The following CNTN5 variants were observed in gnomAD, a reference collection of about 807,000 sequenced individuals.
CNTN5 encodes contactin-5.
Under a neutral mutation model 129.1 loss-of-function variants are expected in CNTN5, and 77 were observed. That is an observed-to-expected ratio of 0.60 (90% confidence interval 0.50 to 0.72). The LOEUF (loss-of-function observed/expected upper bound fraction) is 0.72, where lower values mean the gene tolerates loss of function less well. Among genes scored for constraint, CNTN5 ranks in the 30% least tolerant of loss-of-function variants. The pLI is 0.00. For synonymous variants in CNTN5, 509 were observed against 465.6 expected (o/e 1.09, Z -1.20); for missense variants, 1,478 against 1,328.8 (o/e 1.11, Z -1.75).
intron 16 of CNTN5, among the ~76,000 whole-genome samples, chr11:100,225,917 T>C (rs1408603712): frequency 6.6e-6 from 1 of 152,146 alleles, no homozygotes; most frequent in Admixed American, 6.6e-5. Flanking sequence ...TTTAGTTATA[T>C]ATATCACCGA....
intron 8 of CNTN5, among the ~76,000 whole-genome samples, chr11:99,997,921 T>C (rs931701229): frequency 6.6e-6 from 1 of 152,124 alleles, no homozygotes; most frequent in Admixed American, 6.5e-5. Flanking sequence ...ATTATCTCAA[T>C]AGATACAGAA....
chr11:99,643,784 A>G (rs1459980544), intron 3 of CNTN5, among the ~76,000 whole-genome samples: 2 of 152,148 alleles, frequency 1.3e-5, no homozygotes, highest in Admixed American at 6.5e-5. Context: ...GAGTTTCTCC[A>G]GTAACATATA....
rs76394638 is a variant in CNTN5 at position 99,868,175 on chromosome 11, C to T, written c.577+22913C>T. Among the ~76,000 whole-genome samples the T allele has an allele frequency of 7.4e-3, 1,115 of 151,496 alleles. 57 individuals are homozygous for T. The East Asian group carries it at 0.12, about 17-fold the overall frequency. ...AGGTTGTGATGAGCTGAGAACGTGC[C>T]GCTGCACTCCAGCCTGGGCAACAAG... On this transcript the variant is annotated intron_variant, in intron 6 of 24. Coordinates refer to ENST00000524871, the MANE Select transcript of CNTN5 (RefSeq NM_014361.4).
chr11:99,885,326 A>G (rs1429213287), intron 6 of CNTN5, among the ~76,000 whole-genome samples: 1 of 152,054 alleles, frequency 6.6e-6, no homozygotes, highest in Non-Finnish European at 1.5e-5. Flanking sequence ...GAGAAAACAA[A>G]AGCAGTGAGA....
chr11:100,060,099 A>G (rs1943401065), intron 9 of CNTN5, among the ~76,000 whole-genome samples: 1 of 151,956 alleles, frequency 6.6e-6, no homozygotes, highest in Non-Finnish European at 1.5e-5. Context: ...AATCCCAGCT[A>G]CTTGGGAAAC....
intron 3 of CNTN5, among the ~76,000 whole-genome samples, chr11:99,742,118 C>T (rs923108522): frequency 1.3e-5 from 2 of 152,008 alleles, no homozygotes; most frequent in Non-Finnish European, 2.9e-5. Context: ...ATAACACAAC[C>T]AATGGAATTC....
chr11:100,038,948 G>A (rs1391741456), intron 9 of CNTN5, among the ~76,000 whole-genome samples: 1 of 152,006 alleles, frequency 6.6e-6, no homozygotes, highest in Non-Finnish European at 1.5e-5. Context: ...TCTTTTAATT[G>A]GAGCATTTAG....
chr11:100,164,681 T>G (rs886608080), intron 13 of CNTN5, among the ~76,000 whole-genome samples: 1 of 151,854 alleles, frequency 6.6e-6, no homozygotes, highest in South Asian at 2.1e-4. Context: ...ATGATAAAAC[T>G]GCTTTAAAAA....
rs190149440 is a variant in CNTN5, at chr11:99,796,400, G to T, written c.56-23144G>T. Among the ~76,000 whole-genome samples, 586 of 152,132 alleles carry T rather than the reference G, an allele frequency of 3.9e-3. 4 individuals are homozygous for T. Among genetic ancestry groups the T allele is most frequent in the African/African-American group, 0.013 (551 of 41,490 alleles). ...GCATGTGTGCTGGCAAAGTGATAGG[G>T]GGGTAGCCATAGGCAAGTGTATGCT... On this transcript the variant is annotated intron_variant, in intron 3 of 24. Coordinates refer to ENST00000524871, the MANE Select transcript of CNTN5 (RefSeq NM_014361.4).
intron 2 of CNTN5, among the ~76,000 whole-genome samples, chr11:99,390,887 A>T (rs1211860139): frequency 6.6e-6 from 1 of 152,120 alleles, no homozygotes; most frequent in African/African-American, 2.4e-5. Context: ...AATTACTATG[A>T]AATTGTTAGT....
intron 1 of CNTN5, among the ~76,000 whole-genome samples, chr11:99,155,640 C>A (rs77703146): frequency 6.6e-6 from 1 of 152,020 alleles, no homozygotes; most frequent in Non-Finnish European, 1.5e-5. Context: ...TGTTGCTAGG[C>A]TGGCATCATT....
At chr11:100,041,299 A>G (rs1942364742) in intron 9 of CNTN5, among the ~76,000 whole-genome samples, 1 of 152,166 alleles carries the variant, frequency 6.6e-6, no homozygotes, top group Non-Finnish European at 1.5e-5. Flanking sequence ...GGCTGTGCCT[A>G]TGTCCATACT....
At chr11:99,970,748 C>T (rs980048832) in intron 8 of CNTN5, among the ~76,000 whole-genome samples, 1 of 152,092 alleles carries the variant, frequency 6.6e-6, no homozygotes, top group African/African-American at 2.4e-5. Flanking sequence ...TTTGTCATTG[C>T]TGTTGTTGTT....
At chr11:100,319,137 GTTTTCTTTTTC>G (rs1385871962) in intron 21 of CNTN5, among the ~76,000 whole-genome samples, 2 of 148,774 alleles carry the variant, frequency 1.3e-5, no homozygotes, top group Non-Finnish European at 3.0e-5. Flanking sequence ...CCTGACTTCT[GTTTTCTTTTTC>G]TTTTCTTTTT....
At chr11:99,631,026 A>G (rs766273770) in intron 3 of CNTN5, among the ~76,000 whole-genome samples, 3 of 152,148 alleles carry the variant, frequency 2.0e-5, no homozygotes, top group Non-Finnish European at 2.9e-5. Context: ...TGTCCTGACT[A>G]AAAACACAAA....
At chr11:99,764,394 A>T (rs894906614) in intron 3 of CNTN5, among the ~76,000 whole-genome samples, 18 of 151,908 alleles carry the variant, frequency 1.2e-4, no homozygotes, top group African/African-American at 4.1e-4. Flanking sequence ...AAACACTGGA[A>T]ATCAATTTTT....
chr11:99,956,139 G>GGTA (rs1305561188), intron 7 of CNTN5, among the ~76,000 whole-genome samples: 1 of 151,396 alleles, frequency 6.6e-6, no homozygotes, highest in Non-Finnish European at 1.5e-5. Context: ...TAAGTTCTTA[G>GGTA]GTACGTTGTC....
intron 3 of CNTN5, among the ~76,000 whole-genome samples, chr11:99,624,317 A>C (rs1158854332): frequency 6.6e-6 from 1 of 152,070 alleles, no homozygotes. Context: ...CCTGTATTAA[A>C]GGATTATTTT....
chr11:99,265,046 A>G (rs1041283765), intron 1 of CNTN5, among the ~76,000 whole-genome samples: 17 of 152,136 alleles, frequency 1.1e-4, no homozygotes, highest in African/African-American at 4.1e-4. Flanking sequence ...TAAGAGTTTA[A>G]GTGAATTAAA....
Sources: allele counts gnomAD v4.1 joint callset (sites outside exome capture counted in the v4.1 genomes callset), GRCh38; gene constraint gnomAD v4.1.1; transcripts MANE v1.5; gene names NCBI Gene and HGNC (gene_info 2026-07-23, HGNC 2026-07-21).